TSPEAR: variants seen among roughly 807,000 people sequenced by gnomAD.
TSPEAR encodes the protein thrombospondin-type laminin G domain and EAR repeat-containing protein.
TSPEAR carries 69 observed loss-of-function variants against 71.6 expected under a neutral mutation model. The ratio of observed to expected loss-of-function variants is 0.96; its 90% confidence interval spans 0.79 to 1.18. The LOEUF (loss-of-function observed/expected upper bound fraction) is 1.18. TSPEAR is among the 50% of genes most tolerant of loss of function. TSPEAR has a pLI of 0.00. For synonymous variants in TSPEAR, 402 were observed against 387.2 expected, an observed-to-expected ratio of 1.04 and a Z score of -0.45; for missense variants, 971 against 894.9, an observed-to-expected ratio of 1.09 and a Z score of -1.09.
chr21:44,571,583 T>C (rs1436580540), intron 1 of TSPEAR, among the ~76,000 whole-genome samples: 1 of 152,132 alleles, frequency 6.6e-6, no homozygotes, highest in Non-Finnish European at 1.5e-5. Context: ...CAGGGCTTCC[T>C]AGAGAAGCGT....
Position 44,569,412 on chromosome 21 carries a change from G to A in TSPEAR, c.83-1407C>T, listed in dbSNP as rs148785369. Among the ~76,000 whole-genome samples the A allele has an allele frequency of 8.7e-3, 1,331 of 152,262 alleles. 17 individuals are homozygous for A. Among genetic ancestry groups the A allele is most frequent in the African/African-American group, 0.03 (1,259 of 41,558 alleles). On this transcript the variant is annotated intron_variant, in intron 1 of 11. Transcript: ENST00000323084. Reference sequence around the variant, plus strand: ...TGCAGGAACAGCCGGCAAAGCAGCCGTGAGCACCCTGGCTGCAGGACGCTG... The same window carrying A: ...TGCAGGAACAGCCGGCAAAGCAGCCATGAGCACCCTGGCTGCAGGACGCTG...
chr21:44,580,091 C>T, intron 1 of TSPEAR: 1 of 1,613,740 alleles, frequency 6.2e-7, no homozygotes, highest in East Asian at 2.2e-5. Flanking sequence ...GGAGGAGGTG[C>T]AGCAAGTCGG....
At chr21:44,669,538 G>A (rs1174651125) in intron 1 of TSPEAR, among the ~76,000 whole-genome samples, 1 of 152,196 alleles carries the variant, frequency 6.6e-6, no homozygotes, top group Non-Finnish European at 1.5e-5. Context: ...GGGTTGGAGG[G>A]CTGTACTTTC....
rs2146019297 is a variant in TSPEAR at position 44,546,473 on chromosome 21, T to C, written c.304-12550A>G. Among the ~76,000 whole-genome samples the C allele has an allele frequency of 6.6e-6, 1 of 152,210 alleles. No individual in the cohort carries two copies. The highest frequency in any genetic ancestry group is 1.9e-4 in the East Asian group (1 of 5,202). On this transcript the variant is annotated intron_variant, in intron 2 of 11. Coordinates refer to ENST00000323084, the MANE Select transcript of TSPEAR (RefSeq NM_144991.3). This position sits in a 1 kb window ranked among gnomAD's most constrained non-coding sequence, Gnocchi z 4.4. The stretch of plus-strand genomic sequence containing the variant: ...CCTCAGCCTCCTGAGTAGCTGGGAC[T>C]ACAGGCTCCCGCCACCAGGCCCGGC...
chr21:44,618,603 T>G (rs1321688696), intron 1 of TSPEAR, among the ~76,000 whole-genome samples: 1 of 152,192 alleles, frequency 6.6e-6, no homozygotes, highest in Non-Finnish European at 1.5e-5. Context: ...CATCCCCAGC[T>G]GGGTGACAGT....
chr21:44,538,771 C>A (rs2145999143), intron 2 of TSPEAR, among the ~76,000 whole-genome samples: 1 of 152,308 alleles, frequency 6.6e-6, no homozygotes, highest in South Asian at 2.1e-4. Flanking sequence ...AATGACCAGG[C>A]TCAGGAAGAC....
chr21:44,677,191 C>A (rs1986355773), intron 1 of TSPEAR: 1 of 711,504 alleles, frequency 1.4e-6, no homozygotes, highest in South Asian at 1.5e-5. Context: ...TCTTTCTTTG[C>A]ATTTTCAGTC....
chr21:44,622,854 G>A (rs1217475224), intron 1 of TSPEAR, among the ~76,000 whole-genome samples: 2 of 152,124 alleles, frequency 1.3e-5, no homozygotes, highest in Admixed American at 1.3e-4. Context: ...TGGAGGTGGG[G>A]CCTTGGGGGA....
intron 1 of TSPEAR, among the ~76,000 whole-genome samples, chr21:44,670,107 A>G (rs1985984260): frequency 6.6e-6 from 1 of 152,218 alleles, no homozygotes; most frequent in Non-Finnish European, 1.5e-5. Flanking sequence ...TTTCAGGAAT[A>G]CAAAGAGATA....
chr21:44,702,667 TC>T, intron 1 of TSPEAR: 1 of 1,566,576 alleles, frequency 6.4e-7, no homozygotes, highest in Middle Eastern at 1.7e-4. Context: ...GCCCGTCCCC[TC>T]CTGTTGTGCA....
chr21:44,676,080 T>G, intron 1 of TSPEAR: 1 of 875,828 alleles, frequency 1.1e-6, no homozygotes, highest in South Asian at 1.3e-5. Context: ...GACAGTAATT[T>G]AAACGTGTTT....
intron 1 of TSPEAR, among the ~76,000 whole-genome samples, chr21:44,635,303 G>A (rs1983482722): frequency 7.2e-6 from 1 of 137,970 alleles, no homozygotes; most frequent in Non-Finnish European, 1.5e-5. Flanking sequence ...CCGAGATGGG[G>A]CCACTGCACT....
At chr21:44,654,701 G>T in intron 1 of TSPEAR, 1 of 894,112 alleles carries the variant, frequency 1.1e-6, no homozygotes, top group Non-Finnish European at 1.7e-6. Context: ...CAGGCTACCG[G>T]CATCCTGGCA....
intron 1 of TSPEAR, among the ~76,000 whole-genome samples, chr21:44,610,776 G>A (rs781827362): frequency 1.3e-5 from 2 of 152,208 alleles, no homozygotes; most frequent in Non-Finnish European, 2.9e-5. Context: ...GAGGGAGGCT[G>A]TACCCTGCAA....
Position 44,509,235 on chromosome 21 carries a change from T to C in TSPEAR, c.1718A>G (p.Gln573Arg). Residue 573 changes from glutamine to arginine, a missense_variant, in exon 10 of 12, where the codon CAG becomes CGG. Gln to Arg is a conservative substitution (Grantham distance 43). Coordinates refer to ENST00000323084, the MANE Select transcript of TSPEAR (RefSeq NM_144991.3). ...SVIYELNVTA[Q>R]AFVKFQDILT... ...AATGTCCTGGAACTTGACAAAGGCCTGCGCGGTCACGTTCAGCTCGTAGAT... is the reference window on the plus strand; with the variant it reads ...AATGTCCTGGAACTTGACAAAGGCCCGCGCGGTCACGTTCAGCTCGTAGAT... 1 of 1,614,052 alleles carries C rather than the reference T, an allele frequency of 6.2e-7. No homozygotes were observed. The highest frequency in any genetic ancestry group is 8.5e-7 in the Non-Finnish European group (1 of 1,180,006).
intron 2 of TSPEAR, among the ~76,000 whole-genome samples, chr21:44,567,556 G>A (rs1404924302): frequency 6.6e-6 from 1 of 152,104 alleles, no homozygotes; most frequent in Non-Finnish European, 1.5e-5. Flanking sequence ...CTAGTCCCTC[G>A]ATTGCAGGAA....
At chr21:44,553,499 C>T (rs587688692) in intron 2 of TSPEAR, among the ~76,000 whole-genome samples, 8 of 151,764 alleles carry the variant, frequency 5.3e-5, no homozygotes, top group South Asian at 2.1e-4. Flanking sequence ...TTCTTCCAAA[C>T]GCCGAGGTAA....
At position 44,533,852 on chromosome 21, in the gene TSPEAR, A is replaced by C. The variant is rs782253385; in HGVS notation, c.375T>G (p.Pro125=). The C allele has an allele frequency of 1.2e-6, 2 of 1,612,352 alleles. No homozygotes were observed. The highest frequency in any genetic ancestry group is 3.3e-5 in the Admixed American group (2 of 59,996). The change falls in exon 3 of 12, where the codon CCT becomes CCG. Residue 125 remains proline (P), a synonymous_variant. Coordinates refer to ENST00000323084, the MANE Select transcript of TSPEAR (RefSeq NM_144991.3). Reference sequence around the variant, plus strand: ...GAAGGAACAGGAAGTGCAGCTGGGCAGGTGACAACCGCAGGCCGAGCAGCA... The same window carrying C: ...GAAGGAACAGGAAGTGCAGCTGGGCCGGTGACAACCGCAGGCCGAGCAGCA... ...DLLLLGLRLS[P]AQLHFLFLRE...
At chr21:44,645,573 C>T (rs961418858) in intron 1 of TSPEAR, among the ~76,000 whole-genome samples, 2 of 151,874 alleles carry the variant, frequency 1.3e-5, no homozygotes, top group Admixed American at 1.3e-4. Context: ...AGGCTGGTCT[C>T]AAACTCCTGA....
Sources: gnomAD v4.1 joint callset for allele counts (sites outside exome capture counted in the v4.1 genomes callset) on GRCh38, gnomAD v4.1.1 for gene constraint, Gnocchi (gnomAD v3.1) non-coding constraint, MANE v1.5 for transcripts, NCBI Gene and HGNC (gene_info 2026-07-23, HGNC 2026-07-21) for gene names.